Variants in HBS1L observed in about 807,000 individuals in gnomAD.
HBS1L encodes HBS1 like translational GTPase.
A neutral mutation model predicts 88.9 loss-of-function variants in HBS1L; 55 were observed. That is an observed-to-expected ratio of 0.62 (90% CI 0.50 to 0.77). The LOEUF is 0.77. Ranked by LOEUF, HBS1L falls within the 30% of genes least tolerant of loss-of-function variation. The pLI is 0.00. For synonymous variants in HBS1L, 267 were observed against 288.5 expected (o/e 0.93, Z 0.76); for missense variants, 741 against 829.3 (o/e 0.89, Z 1.31).
intron 4 of HBS1L, among the ~76,000 whole-genome samples, chr6:135,006,226 G>C (rs1053766222): frequency 4.0e-5 from 6 of 150,094 alleles, no homozygotes; most frequent in African/African-American, 7.6e-5. Context: ...AATAACAAAG[G>C]AAGAGTCCTG....
chr6:134,976,516 C>T (rs191599651), intron 15 of HBS1L, among the ~76,000 whole-genome samples: 2 of 152,250 alleles, frequency 1.3e-5, no homozygotes, highest in East Asian at 3.9e-4. Flanking sequence ...AAGTGCCCAT[C>T]AACCAATGAG....
In HBS1L at chr6:134,997,576, T is replaced by C; in HGVS notation, c.620A>G (p.Asp207Gly). 1.2e-6 allele frequency: 2 copies of C among 1,613,998 alleles called. No homozygotes were observed. The highest frequency in any genetic ancestry group is 1.7e-6 in the Non-Finnish European group (2 of 1,179,934). The change falls in exon 6 of 18, where the codon GAT becomes GGT. Residue 207 changes from aspartate to glycine, a missense_variant. Around this residue, in one of 3 missense-constraint regions of HBS1L, gnomAD observed 556 missense variants for 598.4 expected, o/e 0.93. Transcript: ENST00000367837. ...PPIEDAIASS[D>G]VLETASKSAN... ...AGATTTAGAAGCAGTCTCAAGAACA[T>C]CGGAAGAAGCAATGGCATCTTCAAT...
At chr6:135,025,224 A>G (rs1776193894) in intron 4 of HBS1L, among the ~76,000 whole-genome samples, 1 of 152,192 alleles carries the variant, frequency 6.6e-6, no homozygotes, top group African/African-American at 2.4e-5. Context: ...AAACAGTCAT[A>G]ACACCAAAGC....
intron 15 of HBS1L, among the ~76,000 whole-genome samples, chr6:134,973,182 G>A (rs112673968): frequency 2.6e-5 from 4 of 152,238 alleles, no homozygotes; most frequent in African/African-American, 9.6e-5. Context: ...GCCAAAAGAT[G>A]GAAATAACCC....
At position 134,987,799 on chromosome 6, in the gene HBS1L, AGAAAAATAATC is replaced by A; in HGVS notation, c.1084-19_1084-9del. The A allele has an allele frequency of 1.3e-6, 2 of 1,566,874 alleles. No homozygotes were observed. The highest frequency in any genetic ancestry group is 1.7e-6 in the Non-Finnish European group (2 of 1,159,526). The stretch of plus-strand genomic sequence containing the variant: ...TAAAACAGCTACATCCGCCTAAAGA[AGAAAAATAATC>A]GAAGCCAGAAATAATGTTTCAGCAT... On this transcript the variant is annotated splice_polypyrimidine_tract_variant and intron_variant, in intron 8 of 17. Coordinates refer to ENST00000367837, the MANE Select transcript of HBS1L (RefSeq NM_006620.4).
At chr6:135,034,903 T>C (rs1205639836) in intron 4 of HBS1L, among the ~76,000 whole-genome samples, 1 of 152,192 alleles carries the variant, frequency 6.6e-6, no homozygotes, top group African/African-American at 2.4e-5. Flanking sequence ...ATTTTGAAAA[T>C]ACACATTCCC....
At position 134,996,864 on chromosome 6, in the gene HBS1L, T is replaced by C. The variant is rs772284140; in HGVS notation, c.878A>G (p.His293Arg). 22 of 1,612,238 alleles carry C rather than the reference T, an allele frequency of 1.4e-5. No homozygotes were observed. The highest frequency in any genetic ancestry group is 2.2e-5 in the East Asian group (1 of 44,768). ...LLGNINKRTM[H>R]KYEQESKKAG... The stretch of plus-strand genomic sequence containing the variant: ...CTTTTTAGACTCCTGTTCATACTTA[T>C]GCATAGTTCTTTTGTTTATATTACC... The change falls in exon 7 of 18, where the codon CAT becomes CGT. Residue 293 changes from histidine to arginine, a missense_variant. Physicochemically the swap from His to Arg is conservative, Grantham distance 29. This residue lies in a region of HBS1L where 556 missense variants were observed against 598.4 expected (regional missense o/e 0.93). Transcript: ENST00000367837.
At chr6:134,973,659 TAAAAC>T (rs1774558195) in intron 15 of HBS1L, among the ~76,000 whole-genome samples, 1 of 151,976 alleles carries the variant, frequency 6.6e-6, no homozygotes, top group South Asian at 2.1e-4. Flanking sequence ...CCACTAAAAA[TAAAAC>T]AAATTAGCCA....
intron 13 of HBS1L, chr6:134,982,211 C>T: frequency 2.5e-6 from 1 of 392,832 alleles, no homozygotes; most frequent in Non-Finnish European, 4.6e-6. Context: ...CTTCTCAGAT[C>T]TGTGTCAAAA....
At chr6:135,049,505 T>C (rs571318504) in intron 2 of HBS1L, among the ~76,000 whole-genome samples, 57 of 152,326 alleles carry the variant, frequency 3.7e-4, no homozygotes, top group Middle Eastern at 3.4e-3. Flanking sequence ...TTTTATAAAT[T>C]ATATTTATGC....
intron 2 of HBS1L, among the ~76,000 whole-genome samples, chr6:135,048,285 T>C (rs1466823228): frequency 6.6e-6 from 1 of 152,190 alleles, no homozygotes; most frequent in African/African-American, 2.4e-5. Context: ...GTTTTCAGTT[T>C]TTCCAAAACT....
chr6:134,982,230 C>T (rs189822841), intron 13 of HBS1L: 378 of 433,644 alleles, frequency 8.7e-4, no homozygotes, highest in African/African-American at 7.2e-3. Flanking sequence ...AAATAGAATG[C>T]TACTACAGTT....
chr6:135,023,909 T>C (rs1197579369), intron 4 of HBS1L, among the ~76,000 whole-genome samples: 1 of 152,222 alleles, frequency 6.6e-6, no homozygotes, highest in Non-Finnish European at 1.5e-5. Flanking sequence ...AAATTATACA[T>C]GATACTTTTT....
At chr6:135,051,824 T>C (rs1447017084) in intron 1 of HBS1L, among the ~76,000 whole-genome samples, 1 of 152,252 alleles carries the variant, frequency 6.6e-6, no homozygotes, top group Non-Finnish European at 1.5e-5. Context: ...AAATTTCATT[T>C]GACAAACACT....
chr6:134,995,649 G>C (rs1185109197), intron 7 of HBS1L, among the ~76,000 whole-genome samples: 1 of 151,198 alleles, frequency 6.6e-6, no homozygotes, highest in Non-Finnish European at 1.5e-5. Flanking sequence ...ATAATGCAAA[G>C]AAAACTAAAA....
chr6:134,987,696 G>A lies in HBS1L; in HGVS notation c.1179C>T (p.Val393=), dbSNP rs1371756145. ...CAAGCTGCGTCACTCCCAGAGAACGGACCAAGAGTCCATGCTCTCGTGTTT... is the reference window on the plus strand; with the variant it reads ...CAAGCTGCGTCACTCCCAGAGAACGAACCAAGAGTCCATGCTCTCGTGTTT... The part of the protein sequence containing the change: ...GGQTREHGLL[V]RSLGVTQLAV... Residue 393 remains valine, a synonymous_variant, in exon 9 of 18, where the codon GTC becomes GTT. Transcript: ENST00000367837. 6.2e-7 allele frequency: 1 copy of A among 1,609,778 alleles called. No homozygotes were observed. Among genetic ancestry groups the A allele is most frequent in the Admixed American group, 1.7e-5 (1 of 59,322 alleles).
At chr6:134,993,478 G>A (rs927328965) in intron 8 of HBS1L, among the ~76,000 whole-genome samples, 2 of 152,018 alleles carry the variant, frequency 1.3e-5, no homozygotes, top group Non-Finnish European at 2.9e-5. Flanking sequence ...GAAATATGAA[G>A]CTATACTCAT....
rs926143539 is a variant in HBS1L at position 134,993,832 on chromosome 6, T to C, written c.1009A>G (p.Thr337Ala). ...DVGMTKFETT[T>A]KVITLMDAPG... ...GCATCCATTAATGTAATAACTTTGG[T>C]TGTGGTTTCAAACTTTGTCATACCA... The change falls in exon 8 of 18, where the codon ACC becomes GCC. Residue 337 changes from threonine (T) to alanine (A), a missense_variant. Coordinates refer to ENST00000367837, the MANE Select transcript of HBS1L (RefSeq NM_006620.4). 1 of 1,606,314 alleles carries C rather than the reference T, an allele frequency of 6.2e-7. No individual in the cohort carries two copies. The highest frequency in any genetic ancestry group is 1.3e-5 in the African/African-American group (1 of 74,826).
chr6:134,973,857 A>G (rs1017749238), intron 15 of HBS1L, among the ~76,000 whole-genome samples: 1 of 151,920 alleles, frequency 6.6e-6, no homozygotes. Flanking sequence ...AAAAATGAAC[A>G]GTAGTGATGA....
Sources: allele counts gnomAD v4.1 joint callset (sites outside exome capture counted in the v4.1 genomes callset), GRCh38; gene constraint gnomAD v4.1.1; regional missense constraint gnomAD v4.1.1; transcripts MANE v1.5; gene names NCBI Gene and HGNC (gene_info 2026-07-23, HGNC 2026-07-21).